NXPH1: variants seen among roughly 807,000 people sequenced by gnomAD.
NXPH1 encodes the protein neurexophilin-1.
Under a neutral mutation model 23.7 loss-of-function variants are expected in NXPH1, and 5 were observed. The ratio of observed to expected loss-of-function variants is 0.21; its 90% CI spans 0.11 to 0.44. NXPH1 has a LOEUF of 0.44. Ranked by LOEUF, NXPH1 falls within the 20% of genes least tolerant of loss-of-function variation. NXPH1 has a pLI of 0.99. For synonymous variants in NXPH1, 144 were observed against 122.2 expected (o/e 1.18, Z -1.18); for missense variants, 324 against 321.6 (o/e 1.01, Z -0.06).
chr7:8,719,446 G>A (rs1200517950), intron 2 of NXPH1, among the ~76,000 whole-genome samples: 1 of 149,208 alleles, frequency 6.7e-6, no homozygotes, highest in Non-Finnish European at 1.5e-5. Context: ...TACAACCCTA[G>A]TGGGGACATT....
intron 2 of NXPH1, among the ~76,000 whole-genome samples, chr7:8,443,472 T>C (rs1285908193): frequency 2.0e-5 from 3 of 152,172 alleles, no homozygotes; most frequent in Non-Finnish European, 4.4e-5. Context: ...TAAAACCCTA[T>C]GGGGAGAAGC....
chr7:8,528,412 G>A (rs1045778175), intron 2 of NXPH1, among the ~76,000 whole-genome samples: 1 of 152,232 alleles, frequency 6.6e-6, no homozygotes, highest in Non-Finnish European at 1.5e-5. Context: ...TTGCAGAAAT[G>A]CTTTTGTTTT....
At chr7:8,520,655 G>T (rs1031348448) in intron 2 of NXPH1, among the ~76,000 whole-genome samples, 8 of 149,474 alleles carry the variant, frequency 5.4e-5, no homozygotes. Context: ...TTGTGTGACT[G>T]TTTGACCATG....
intron 2 of NXPH1, among the ~76,000 whole-genome samples, chr7:8,557,889 A>G (rs60078958): frequency 0.13 from 20,403 of 151,612 alleles, 2,185 homozygotes; most frequent in African/African-American, 0.29. Context: ...AAATCAATCC[A>G]GGCAATTGCT....
At chr7:8,739,652 C>G (rs1411214504) in intron 2 of NXPH1, among the ~76,000 whole-genome samples, 1 of 152,260 alleles carries the variant, frequency 6.6e-6, no homozygotes, top group Admixed American at 6.5e-5. Context: ...CCTTAGCATA[C>G]TGTACCTTTT....
chr7:8,467,218 G>A (rs1816800440), intron 2 of NXPH1, among the ~76,000 whole-genome samples: 1 of 152,084 alleles, frequency 6.6e-6, no homozygotes, highest in African/African-American at 2.4e-5. Context: ...CTTAAAGTAT[G>A]CCCAAGTTTA....
At chr7:8,679,804 C>T (rs545325685) in intron 2 of NXPH1, among the ~76,000 whole-genome samples, 28 of 152,294 alleles carry the variant, frequency 1.8e-4, no homozygotes, top group African/African-American at 6.0e-4. Flanking sequence ...GGGCAGATCA[C>T]GAGGTCAGGA....
chr7:8,455,328 CA>C (rs1442389870), intron 2 of NXPH1, among the ~76,000 whole-genome samples: 3 of 152,100 alleles, frequency 2.0e-5, no homozygotes, highest in Admixed American at 6.6e-5. Flanking sequence ...AGACTTTAAT[CA>C]GTTGTCATGA....
chr7:8,499,766 G>A (rs1485733421), intron 2 of NXPH1, among the ~76,000 whole-genome samples: 1 of 152,034 alleles, frequency 6.6e-6, no homozygotes, highest in Non-Finnish European at 1.5e-5. Flanking sequence ...GGCCTTTACT[G>A]CATGCCATAG....
At chr7:8,457,555 T>TA (rs1554423010) in intron 2 of NXPH1, among the ~76,000 whole-genome samples, 2 of 150,544 alleles carry the variant, frequency 1.3e-5, no homozygotes, top group African/African-American at 2.5e-5. Context: ...TTTTTTTTTT[T>TA]AATTTTATTA....
At chr7:8,675,052 T>C (rs17153566) in intron 2 of NXPH1, among the ~76,000 whole-genome samples, 5,697 of 152,234 alleles carry the variant, frequency 0.037, 253 homozygotes, top group African/African-American at 0.11. Context: ...TGAGTAAACC[T>C]TAAAATAGAA....
chr7:8,504,349 T>G (rs958836207), intron 2 of NXPH1, among the ~76,000 whole-genome samples: 3 of 152,094 alleles, frequency 2.0e-5, no homozygotes, highest in Non-Finnish European at 2.9e-5. Context: ...ATTTTGTTTA[T>G]ATATAATTGT....
intron 2 of NXPH1, among the ~76,000 whole-genome samples, chr7:8,472,110 T>C (rs1032563397): frequency 7.9e-5 from 12 of 152,244 alleles, no homozygotes; most frequent in African/African-American, 2.9e-4. Flanking sequence ...GTGATGTGTC[T>C]TCTTTTTGTG....
intron 2 of NXPH1, among the ~76,000 whole-genome samples, chr7:8,634,983 T>C (rs1329227510): frequency 1.4e-5 from 2 of 138,296 alleles, no homozygotes; most frequent in Non-Finnish European, 3.2e-5. Context: ...CATTGACATA[T>C]TACTGGAAGT....
chr7:8,627,265 G>T (rs1455313201), intron 2 of NXPH1, among the ~76,000 whole-genome samples: 1 of 152,074 alleles, frequency 6.6e-6, no homozygotes, highest in Non-Finnish European at 1.5e-5. Context: ...ACAAGGGAAT[G>T]CTCATTCGGT....
chr7:8,710,648 T>TATTCCATGGAAAGTAGA (rs1562461749), intron 2 of NXPH1, among the ~76,000 whole-genome samples: 1 of 4,692 alleles, frequency 2.1e-4, no homozygotes, highest in African/African-American at 4.4e-4. Flanking sequence ...ACGTTTTTTG[T>TATTCCATGGAAAGTAGA]TTTTTTTTTT....
intron 2 of NXPH1, among the ~76,000 whole-genome samples, chr7:8,550,375 T>C (rs1163851248): frequency 5.3e-5 from 8 of 151,734 alleles, no homozygotes; most frequent in East Asian, 2.0e-4. Flanking sequence ...ATGGATAATA[T>C]ATTTTAAAGG....
At chr7:8,739,379 A>T (rs1780322733) in intron 2 of NXPH1, among the ~76,000 whole-genome samples, 1 of 152,006 alleles carries the variant, frequency 6.6e-6, no homozygotes, top group Non-Finnish European at 1.5e-5. Flanking sequence ...ATTCTCTCAC[A>T]GCTTCCTTTG....
At chr7:8,453,420 A>G (rs907221814) in intron 2 of NXPH1, among the ~76,000 whole-genome samples, 4 of 152,184 alleles carry the variant, frequency 2.6e-5, no homozygotes, top group African/African-American at 9.6e-5. Flanking sequence ...AGGTGGCTGT[A>G]TATGCCAAAC....
Sources: gnomAD v4.1 joint callset for allele counts (sites outside exome capture counted in the v4.1 genomes callset) on GRCh38, gnomAD v4.1.1 for gene constraint, MANE v1.5 for transcripts, NCBI Gene and HGNC (gene_info 2026-07-23, HGNC 2026-07-21) for gene names.